Variants in MED13L observed in about 807,000 individuals in gnomAD.
MED13L encodes mediator complex subunit 13L.
A neutral mutation model predicts 220.9 loss-of-function variants in MED13L; 7 were observed. The observed-to-expected ratio is 0.03, with a 90% confidence interval of 0.02 to 0.06. The LOEUF is 0.06. Among genes scored for constraint, MED13L ranks in the 10% least tolerant of loss-of-function variants. The pLI is 1.00. For synonymous variants in MED13L, 1,011 were observed against 1,015.2 expected (o/e 1.00, Z 0.08); for missense variants, 1,965 against 2,760.5 (o/e 0.71, Z 6.46).
At chr12:116,254,316 A>C (rs997126137) in intron 1 of MED13L, among the ~76,000 whole-genome samples, 1 of 152,146 alleles carries the variant, frequency 6.6e-6, no homozygotes, top group Non-Finnish European at 1.5e-5. Context: ...AGATAACATC[A>C]TCACGTACGT....
intron 2 of MED13L, among the ~76,000 whole-genome samples, chr12:116,123,220 C>T (rs1048705769): frequency 1.3e-5 from 2 of 151,986 alleles, no homozygotes; most frequent in African/African-American, 4.8e-5. Context: ...TCATGACAGG[C>T]ATTACTTTTA....
intron 1 of MED13L, among the ~76,000 whole-genome samples, chr12:116,271,164 G>C (rs1392594438): frequency 1.3e-5 from 2 of 151,236 alleles, no homozygotes; most frequent in East Asian, 3.9e-4. Flanking sequence ...ATACTGATTC[G>C]CTAATTCTGA....
chr12:116,250,292 TAC>T (rs1445116341), intron 1 of MED13L, among the ~76,000 whole-genome samples: 2 of 109,018 alleles, frequency 1.8e-5, no homozygotes, highest in Non-Finnish European at 4.4e-5. Context: ...TAAGGTAAAA[TAC>T]AGACTTATTT....
chr12:116,067,562 TATC>T (rs1870044056), intron 4 of MED13L, among the ~76,000 whole-genome samples: 1 of 152,194 alleles, frequency 6.6e-6, no homozygotes, highest in African/African-American at 2.4e-5. Flanking sequence ...ATATATTGGA[TATC>T]ATCATCTGTG....
At position 115,959,300 on chromosome 12, in the gene MED13L, GT is replaced by G. The variant is rs1875615388; in HGVS notation, c.*1965del. 6.6e-6 allele frequency: 1 copy of G among 151,514 alleles called. No individual in the cohort carries two copies. Among genetic ancestry groups the G allele is most frequent in the African/African-American group, 2.4e-5 (1 of 41,100 alleles). 9.4% of individuals were successfully genotyped at this position (151,514 alleles called of 1,614,324 possible). ...TTTTTTTTAAAGTTTTTTTGTAGGGGTTTTTTATTTTTTGTGTTTTTTTTCT... is the reference window on the plus strand; with the variant it reads ...TTTTTTTTAAAGTTTTTTTGTAGGGGTTTTTATTTTTTGTGTTTTTTTTCT... On this transcript the variant is annotated 3_prime_UTR_variant, in exon 31 of 31. Transcript: ENST00000281928.
chr12:116,114,873 A>G (rs1307650335), intron 2 of MED13L, among the ~76,000 whole-genome samples: 1 of 152,188 alleles, frequency 6.6e-6, no homozygotes, highest in Non-Finnish European at 1.5e-5. Flanking sequence ...AAACCCATAA[A>G]ATCCTTGGGT....
chr12:116,122,265 A>G (rs2137960339), intron 2 of MED13L, among the ~76,000 whole-genome samples: 1 of 152,316 alleles, frequency 6.6e-6, no homozygotes, highest in Non-Finnish European at 1.5e-5. Flanking sequence ...CTGACTTACC[A>G]AAGAAACTCA....
intron 3 of MED13L, among the ~76,000 whole-genome samples, chr12:116,105,727 T>C (rs1873512678): frequency 6.6e-6 from 1 of 152,172 alleles, no homozygotes; most frequent in Admixed American, 6.5e-5. Context: ...AATTAATAGG[T>C]ATGGCAGACA....
At chr12:116,203,887 G>C (rs1003776111) in intron 2 of MED13L, among the ~76,000 whole-genome samples, 2 of 152,130 alleles carry the variant, frequency 1.3e-5, no homozygotes, top group Non-Finnish European at 2.9e-5. Context: ...CTTACGAATT[G>C]AATCAGTTAA....
rs1565889456 is a variant in MED13L at position 116,125,305 on chromosome 12, A to G, written c.311-13793T>C. Among the ~76,000 whole-genome samples, 6 of 152,194 alleles carry G rather than the reference A, an allele frequency of 3.9e-5. No individual in the cohort carries two copies. The South Asian group carries it at 1.2e-3, about 31-fold the overall frequency. Reference sequence around the variant, plus strand: ...GGCACTACAGTGTGATCCCATCTCAATCAATCAATCAATCAATGCAAACGG... The same window carrying G: ...GGCACTACAGTGTGATCCCATCTCAGTCAATCAATCAATCAATGCAAACGG... On this transcript the variant is annotated intron_variant, in intron 2 of 30. Transcript: ENST00000281928.
At chr12:116,230,704 G>A (rs1037243725) in intron 2 of MED13L, among the ~76,000 whole-genome samples, 1 of 152,000 alleles carries the variant, frequency 6.6e-6, no homozygotes. Flanking sequence ...AAAATGACAA[G>A]AGATAATCTT....
intron 2 of MED13L, among the ~76,000 whole-genome samples, chr12:116,176,788 T>C (rs985139518): frequency 7.1e-6 from 1 of 140,768 alleles, no homozygotes; most frequent in Non-Finnish European, 1.5e-5. Context: ...ATGAAGGAAT[T>C]GAGAAAAAGC....
intron 4 of MED13L, among the ~76,000 whole-genome samples, chr12:116,095,101 G>T (rs1372604708): frequency 6.6e-6 from 1 of 152,158 alleles, no homozygotes; most frequent in Non-Finnish European, 1.5e-5. Flanking sequence ...GGCAGAGGTT[G>T]CAGTGAGCCG....
intron 1 of MED13L, among the ~76,000 whole-genome samples, chr12:116,253,588 T>A (rs1001957689): frequency 2.1e-4 from 32 of 151,942 alleles, no homozygotes; most frequent in Admixed American, 1.2e-3. Flanking sequence ...GTAATAATAA[T>A]ACCATAAGCT....
chr12:116,146,342 G>A (rs1426199981), intron 2 of MED13L, among the ~76,000 whole-genome samples: 1 of 151,838 alleles, frequency 6.6e-6, no homozygotes, highest in Non-Finnish European at 1.5e-5. Context: ...AGATGGTCTC[G>A]ATCTCCTGAC....
At chr12:116,135,548 T>A (rs1026827834) in intron 2 of MED13L, among the ~76,000 whole-genome samples, 1 of 152,176 alleles carries the variant, frequency 6.6e-6, no homozygotes, top group Admixed American at 6.5e-5. Flanking sequence ...AAAGAACCTG[T>A]GAACATAATG....
chr12:116,277,020 T>G, intron 1 of MED13L, 40 bp downstream of exon 1: 1,276 of 776,266 alleles, frequency 1.6e-3, no homozygotes, highest in Non-Finnish European at 2.4e-3. Context: ...ACCCCCCCCC[T>G]TCCCCGGCAC....
intron 1 of MED13L, chr12:116,276,328 G>GTGTGTA: frequency 2.0e-6 from 1 of 499,910 alleles, no homozygotes; most frequent in Non-Finnish European, 3.4e-6. Context: ...GTGTGTGTGT[G>GTGTGTA]TGTGTGTGTG....
At position 115,984,216 on chromosome 12, in the gene MED13L, G is replaced by A; in HGVS notation, c.4495C>T (p.Leu1499Phe). Residue 1499 changes from leucine to phenylalanine, a missense_variant, in exon 20 of 31, where the codon CTC becomes TTC. Leu to Phe is a conservative substitution (Grantham distance 22). Around this residue, in one of 10 missense-constraint regions of MED13L, gnomAD observed 510 missense variants for 620.4 expected, o/e 0.82. Transcript: ENST00000281928. Reference sequence around the variant, plus strand: ...CGGCAAACTTGCGCATAAAGTTTGAGTCTGGAATGATTGTCATTCTCCTCG... The same window carrying A: ...CGGCAAACTTGCGCATAAAGTTTGAATCTGGAATGATTGTCATTCTCCTCG... ...SGEENDNHSR[L>F]KLYAQVCRHH... 6.2e-7 allele frequency: 1 copy of A among 1,613,936 alleles called. No individual in the cohort carries two copies. The highest frequency in any genetic ancestry group is 8.5e-7 in the Non-Finnish European group (1 of 1,179,966).
Sources: allele counts gnomAD v4.1 joint callset (sites outside exome capture counted in the v4.1 genomes callset), GRCh38; gene constraint gnomAD v4.1.1; regional missense constraint gnomAD v4.1.1; transcripts MANE v1.5; gene names NCBI Gene and HGNC (gene_info 2026-07-23, HGNC 2026-07-21).